The following LRP1B variants were observed in gnomAD, a reference collection of about 807,000 sequenced individuals.
LRP1B encodes the protein low-density lipoprotein receptor-related protein 1B.
In LRP1B, 217 loss-of-function variants were observed where a neutral mutation model predicts 556.6. That is an observed-to-expected ratio of 0.39 (90% CI 0.35 to 0.44). LRP1B has a LOEUF of 0.44. Among genes scored for constraint, LRP1B ranks in the 20% least tolerant of loss-of-function variants. The pLI, the probability that LRP1B is intolerant of heterozygous loss-of-function variation, is 1.00. For missense variants in LRP1B, 5,053 were observed against 5,620.8 expected, an observed-to-expected ratio of 0.90 and a Z score of 3.23; for synonymous variants, 2,047 against 1,865.8, an observed-to-expected ratio of 1.10 and a Z score of -2.50.
chr2:142,034,337 T>G (rs138721435), intron 1 of LRP1B, among the ~76,000 whole-genome samples: 49 of 151,918 alleles, frequency 3.2e-4, no homozygotes, highest in Admixed American at 7.2e-4. Flanking sequence ...CTTCCATTTT[T>G]GCTTTACCTC....
In LRP1B at chr2:140,363,602, A is replaced by G. The variant is rs543075050; in HGVS notation, c.11131+1059T>C. On this transcript the variant is annotated intron_variant, in intron 72 of 90. Coordinates refer to ENST00000389484, the MANE Select transcript of LRP1B (RefSeq NM_018557.3). ...TTACCCAGAGTTTATTTCTAAGATT[A>G]TGTAAAGAAAACTGAAGCTGAAACT... is the stretch of plus-strand genomic sequence containing the variant. Among the ~76,000 whole-genome samples the G allele has an allele frequency of 6.6e-5, 10 of 151,728 alleles. No individual in the cohort carries two copies. The East Asian group carries it at 1.7e-3, about 27-fold the overall frequency.
chr2:141,875,237 T>C (rs944284611), intron 1 of LRP1B, among the ~76,000 whole-genome samples: 28 of 151,876 alleles, frequency 1.8e-4, no homozygotes, highest in African/African-American at 6.7e-4. Context: ...CTCAAACTCC[T>C]GGGCTGAAGT....
At chr2:141,003,592 C>T (rs371415201) in intron 15 of LRP1B, among the ~76,000 whole-genome samples, 5 of 152,030 alleles carry the variant, frequency 3.3e-5, no homozygotes, top group South Asian at 2.1e-4. Context: ...CACAAGCTCT[C>T]TTCTCTTGCC....
At chr2:140,744,712 A>C (rs1039646481) in intron 35 of LRP1B, among the ~76,000 whole-genome samples, 3 of 152,152 alleles carry the variant, frequency 2.0e-5, no homozygotes, top group Non-Finnish European at 4.4e-5. Context: ...TGCAGCTGCT[A>C]TAGATTTTTC....
chr2:140,766,859 T>TATATATAAAAAATATATATATATA (rs1689137510), intron 35 of LRP1B, among the ~76,000 whole-genome samples: 2 of 50,206 alleles, frequency 4.0e-5, no homozygotes, highest in African/African-American at 9.0e-5. Flanking sequence ...TATATATATA[T>TATATATAAAAAATATATATATATA]ATATATAATA....
At chr2:142,051,479 GT>G (rs540052313) in intron 1 of LRP1B, among the ~76,000 whole-genome samples, 1,407 of 35,832 alleles carry the variant, frequency 0.039, 20 homozygotes, top group Middle Eastern at 0.086. Flanking sequence ...TTGTTTTTTT[GT>G]TTTTTTTTTG....
In LRP1B at chr2:141,301,932, T is replaced by C. The variant is rs1019171988; in HGVS notation, c.344-47291A>G. Among the ~76,000 whole-genome samples the C allele has an allele frequency of 3.9e-5, 6 of 152,286 alleles. No homozygotes were observed. In the East Asian group the frequency reaches 5.8e-4, roughly 15 times the overall value. On this transcript the variant is annotated intron_variant, in intron 3 of 90. Transcript: ENST00000389484. ...GATATTATGTGCTTGAGGACTGATA[T>C]ATTGACATTAGTCCCTTAGCTTGTG...
intron 1 of LRP1B, among the ~76,000 whole-genome samples, chr2:141,843,431 T>C (rs1045464316): frequency 6.6e-6 from 1 of 152,158 alleles, no homozygotes; most frequent in African/African-American, 2.4e-5. Context: ...CACAAGATAA[T>C]GCCAAGGCTA....
chr2:141,321,183 T>C (rs1189352869), intron 3 of LRP1B, among the ~76,000 whole-genome samples: 1 of 152,138 alleles, frequency 6.6e-6, no homozygotes, highest in African/African-American at 2.4e-5. Context: ...CTCAGTACTC[T>C]TGAAGCTTTT....
At chr2:141,079,238 G>T (rs868810267) in intron 7 of LRP1B, among the ~76,000 whole-genome samples, 1 of 152,102 alleles carries the variant, frequency 6.6e-6, no homozygotes, top group Admixed American at 6.6e-5. Flanking sequence ...TAAGAGCTCC[G>T]GGAAAAGGAG....
At chr2:141,510,488 C>T (rs1162187635) in intron 2 of LRP1B, among the ~76,000 whole-genome samples, 2 of 152,008 alleles carry the variant, frequency 1.3e-5, no homozygotes, top group East Asian at 1.9e-4. Flanking sequence ...CAAATATTAT[C>T]GCACACCTTT....
At chr2:140,238,975 G>A (rs1680831592) in intron 88 of LRP1B, among the ~76,000 whole-genome samples, 1 of 150,722 alleles carries the variant, frequency 6.6e-6, no homozygotes, top group African/African-American at 2.4e-5. Context: ...AGATCTATAA[G>A]TTCATTTTCA....
intron 35 of LRP1B, among the ~76,000 whole-genome samples, chr2:140,733,544 C>T (rs1687846561): frequency 6.6e-6 from 1 of 152,130 alleles, no homozygotes; most frequent in South Asian, 2.1e-4. Context: ...AAGGCGCACC[C>T]TACTAACACA....
chr2:140,459,231 C>G (rs930703120), intron 60 of LRP1B, among the ~76,000 whole-genome samples: 5 of 152,018 alleles, frequency 3.3e-5, no homozygotes, highest in African/African-American at 1.2e-4. Context: ...TTTTCTTTGA[C>G]TGTATAAATT....
intron 8 of LRP1B, among the ~76,000 whole-genome samples, chr2:141,060,322 G>A (rs1699301086): frequency 6.6e-6 from 1 of 151,596 alleles, no homozygotes; most frequent in Non-Finnish European, 1.5e-5. Flanking sequence ...GTTATAGCCC[G>A]AATAGTTTTT....
At chr2:140,495,309 A>G (rs1688870377) in intron 56 of LRP1B, among the ~76,000 whole-genome samples, 1 of 142,978 alleles carries the variant, frequency 7.0e-6, no homozygotes. Flanking sequence ...TGCTAGAGAT[A>G]GTTCTTTTTT....
chr2:142,092,772 G>C (rs1251758465), intron 1 of LRP1B, among the ~76,000 whole-genome samples: 3 of 151,984 alleles, frequency 2.0e-5, no homozygotes, highest in Non-Finnish European at 4.4e-5. Flanking sequence ...ATCTGATTAA[G>C]TTTTCCACTA....
intron 1 of LRP1B, among the ~76,000 whole-genome samples, chr2:141,937,190 C>T (rs1046704830): frequency 4.0e-5 from 6 of 151,588 alleles, no homozygotes; most frequent in Non-Finnish European, 5.9e-5. Flanking sequence ...GAGATTGAGA[C>T]CACGGTGAAA....
Position 140,700,500 on chromosome 2 carries a change from C to G in LRP1B, c.6549G>C (p.Leu2183=), listed in dbSNP as rs1686594201. ...GYLAEDGVTC[L]RHEGYLLYSG... Reference sequence around the variant, plus strand: ...AATACAGTAAATAGCCTTCATGCCTCAGGCAAGTAACTCCATCTTCTGCCA... The same window carrying G: ...AATACAGTAAATAGCCTTCATGCCTGAGGCAAGTAACTCCATCTTCTGCCA... The change falls in exon 41 of 91, where the codon CTG becomes CTC. Residue 2183 remains leucine (L), a synonymous_variant. Coordinates refer to ENST00000389484, the MANE Select transcript of LRP1B (RefSeq NM_018557.3). 6.2e-7 allele frequency: 1 copy of G among 1,613,386 alleles called. No individual in the cohort carries two copies. The highest frequency in any genetic ancestry group is 1.3e-5 in the African/African-American group (1 of 74,876).
Sources: allele counts gnomAD v4.1 joint callset (sites outside exome capture counted in the v4.1 genomes callset), GRCh38; gene constraint gnomAD v4.1.1; transcripts MANE v1.5; gene names NCBI Gene and HGNC (gene_info 2026-07-23, HGNC 2026-07-21).